HAUS8: variants seen among roughly 807,000 people sequenced by gnomAD.
HAUS8 encodes the protein HAUS augmin like complex subunit 8.
HAUS8 carries 38 observed loss-of-function variants against 42.9 expected under a neutral mutation model. The observed-to-expected ratio is 0.89, with a 90% CI of 0.68 to 1.16. The LOEUF is 1.16. Ranked by LOEUF, HAUS8 falls within the 50% of genes most tolerant of loss-of-function variation. The pLI is 0.00. For missense variants in HAUS8, 494 were observed against 511.6 expected (o/e 0.97, Z 0.33); for synonymous variants, 199 against 205.8 (o/e 0.97, Z 0.28).
At chr19:17,066,932 T>C (rs1171951336) in intron 3 of HAUS8, among the ~76,000 whole-genome samples, 2 of 152,126 alleles carry the variant, frequency 1.3e-5, no homozygotes, top group Non-Finnish European at 2.9e-5. Context: ...AGGCCGGGCA[T>C]GGCGGCTCAT....
intron 2 of HAUS8, 80 bp downstream of exon 2, chr19:17,073,193 TG>T: frequency 1.6e-6 from 2 of 1,260,574 alleles, no homozygotes; most frequent in Non-Finnish European, 2.3e-6. Context: ...CCCCCTTCTC[TG>T]GCCTGTTTTT....
At chr19:17,052,996 G>A in intron 9 of HAUS8, 30 bp from the exon 10 acceptor site, 1 of 1,613,926 alleles carries the variant, frequency 6.2e-7, no homozygotes, top group Non-Finnish European at 8.5e-7. Context: ...GTGGGCGATG[G>A]ATGGCAAGGT....
At chr19:17,062,853 C>T in intron 3 of HAUS8, 74 bp from the exon 4 acceptor site, 1 of 1,090,290 alleles carries the variant, frequency 9.2e-7, no homozygotes, top group Non-Finnish European at 1.4e-6. Context: ...ATGCGGTCTG[C>T]ACTGTGTTTC....
intron 4 of HAUS8, among the ~76,000 whole-genome samples, chr19:17,062,143 C>A (rs923471250): frequency 6.6e-6 from 1 of 152,168 alleles, no homozygotes; most frequent in African/African-American, 2.4e-5. Flanking sequence ...GTTGTTGAGA[C>A]GGTGTCTCAC....
chr19:17,068,153 G>A (rs780662717), intron 3 of HAUS8, among the ~76,000 whole-genome samples: 33 of 126,814 alleles, frequency 2.6e-4, no homozygotes, highest in Non-Finnish European at 4.2e-4. Flanking sequence ...TCGCTCTGTC[G>A]CCAAGGCTGG....
rs2123358179 is a variant in HAUS8 at position 17,052,872 on chromosome 19, C to T, written c.882G>A (p.Leu294=). Residue 294 remains leucine, a synonymous_variant, in exon 10 of 11, where the codon CTG becomes CTA. Transcript: ENST00000253669. The part of the protein sequence containing the change: ...SEENVQVLDL[L]SELKDVTAKK... Reference sequence around the variant, plus strand: ...TCGCCGTCACGTCCTTGAGTTCGCTCAGTAAGTCCAGCACCTGCACATTTT... The same window carrying T: ...TCGCCGTCACGTCCTTGAGTTCGCTTAGTAAGTCCAGCACCTGCACATTTT... The T allele has an allele frequency of 1.2e-6, 2 of 1,614,186 alleles. No individual in the cohort carries two copies. Among genetic ancestry groups the T allele is most frequent in the Non-Finnish European group, 1.7e-6 (2 of 1,180,038 alleles).
chr19:17,061,977 C>T (rs1190481201), intron 4 of HAUS8, among the ~76,000 whole-genome samples: 1 of 152,246 alleles, frequency 6.6e-6, no homozygotes, highest in Non-Finnish European at 1.5e-5. Context: ...CAAACATCTA[C>T]ACCAGGAGTG....
In HAUS8 at chr19:17,058,892, A is replaced by T. The variant is rs775384161; in HGVS notation, c.421-16T>A. 1 of 1,600,752 alleles carries T rather than the reference A, an allele frequency of 6.2e-7. No individual in the cohort carries two copies. The highest frequency in any genetic ancestry group is 8.5e-7 in the Non-Finnish European group (1 of 1,172,774). On this transcript the variant is annotated splice_polypyrimidine_tract_variant and intron_variant, in intron 6 of 10. Coordinates refer to ENST00000253669, the MANE Select transcript of HAUS8 (RefSeq NM_033417.2). ...CAGATAAATCCTTAAGAAAAGAAAA[A>T]GACCCTCTCAATTCCTGATGAAGTG...
At chr19:17,072,454 A>G (rs932069830) in intron 2 of HAUS8, among the ~76,000 whole-genome samples, 1 of 142,134 alleles carries the variant, frequency 7.0e-6, no homozygotes, top group Non-Finnish European at 1.5e-5. Context: ...GCCATTCTCC[A>G]GCCTCAGCCT....
intron 3 of HAUS8, among the ~76,000 whole-genome samples, chr19:17,065,569 C>T (rs1308874746): frequency 6.6e-6 from 1 of 152,136 alleles, no homozygotes; most frequent in East Asian, 1.9e-4. Flanking sequence ...GTGGCTCATG[C>T]CTGTAATCCC....
chr19:17,061,146 T>A (rs940836460), intron 4 of HAUS8, among the ~76,000 whole-genome samples: 23 of 152,026 alleles, frequency 1.5e-4, no homozygotes, highest in African/African-American at 5.3e-4. Flanking sequence ...TTTTTTTTTT[T>A]TTGAGACAGG....
chr19:17,062,190 G>A (rs1318419059), intron 4 of HAUS8, among the ~76,000 whole-genome samples: 2 of 152,132 alleles, frequency 1.3e-5, no homozygotes, highest in African/African-American at 2.4e-5. Flanking sequence ...GAGCAATCTC[G>A]GCTCACTGCA....
chr19:17,055,141 AAAATATATATATAT>A (rs2057314987), intron 9 of HAUS8: 1 of 17,586 alleles, frequency 5.7e-5, no homozygotes, highest in Admixed American at 1.1e-3. Flanking sequence ...AAAAAAAAAA[AAAATATATATATAT>A]ATATATATAT....
At chr19:17,074,881 GTGTTA>G (rs1057190046) in intron 1 of HAUS8, 1 of 157,296 alleles carries the variant, frequency 6.4e-6, no homozygotes, top group Admixed American at 6.2e-5. Context: ...TGTTCATGGT[GTGTTA>G]CCCTAGGCAA....
chr19:17,054,083 G>A (rs1295994943), intron 9 of HAUS8, among the ~76,000 whole-genome samples: 1 of 152,174 alleles, frequency 6.6e-6, no homozygotes, highest in Admixed American at 6.5e-5. Flanking sequence ...CCACCAGCAG[G>A]TGGGGGAGAC....
chr19:17,055,143 AATATATATATATATATAT>A (rs746719670), intron 9 of HAUS8: 285 of 15,456 alleles, frequency 0.018, 6 homozygotes, highest in Middle Eastern at 0.042. Context: ...AAAAAAAAAA[AATATATATATATATATAT>A]ATATATATAT....
intron 3 of HAUS8, among the ~76,000 whole-genome samples, chr19:17,064,613 G>A (rs140837903): frequency 2.0e-5 from 3 of 152,172 alleles, no homozygotes; most frequent in Non-Finnish European, 4.4e-5. Flanking sequence ...AGAATACAAC[G>A]GGAAAAAGGA....
At chr19:17,050,682 G>A (rs1234897973) in intron 10 of HAUS8, among the ~76,000 whole-genome samples, 2 of 152,052 alleles carry the variant, frequency 1.3e-5, no homozygotes, top group Admixed American at 6.6e-5. Flanking sequence ...GATCGCCTGA[G>A]GTCAGGAGTT....
At chr19:17,073,645 C>T in intron 1 of HAUS8, 1 of 385,812 alleles carries the variant, frequency 2.6e-6, no homozygotes, top group Non-Finnish European at 4.9e-6. Flanking sequence ...CATTGATGCA[C>T]CTACTATATT....
Sources: gnomAD v4.1 joint callset for allele counts (sites outside exome capture counted in the v4.1 genomes callset) on GRCh38, gnomAD v4.1.1 for gene constraint, MANE v1.5 for transcripts, NCBI Gene and HGNC (gene_info 2026-07-23, HGNC 2026-07-21) for gene names.